RABGAP1: variants seen among roughly 807,000 people sequenced by gnomAD.
RABGAP1 encodes the protein rab GTPase-activating protein 1.
In RABGAP1, 23 loss-of-function variants were observed where a neutral mutation model predicts 137.6. The observed-to-expected ratio is 0.17, with a 90% CI of 0.12 to 0.24. The LOEUF (loss-of-function observed/expected upper bound fraction) is 0.24. Among genes scored for constraint, RABGAP1 ranks in the 10% least tolerant of loss-of-function variants. The pLI, the probability that RABGAP1 is intolerant of heterozygous loss-of-function variation, is 1.00. For synonymous variants in RABGAP1, 451 were observed against 450.7 expected, an observed-to-expected ratio of 1.00 and a Z score of -0.01; for missense variants, 906 against 1,275.8, an observed-to-expected ratio of 0.71 and a Z score of 4.42.
intron 19 of RABGAP1, among the ~76,000 whole-genome samples, chr9:123,077,971 CA>C (rs1204846597): frequency 6.6e-6 from 1 of 152,030 alleles, no homozygotes; most frequent in Admixed American, 6.6e-5. Flanking sequence ...TAGAAATGCA[CA>C]GGTATTTAAA....
At chr9:123,010,325 T>G in intron 10 of RABGAP1, 29 bp from the exon 11 acceptor site, 1 of 1,565,644 alleles carries the variant, frequency 6.4e-7, no homozygotes, top group Non-Finnish European at 8.7e-7. Flanking sequence ...ACTTTACTGC[T>G]TAATAAATAA....
chr9:122,986,664 A>G (rs1028413282), intron 4 of RABGAP1, among the ~76,000 whole-genome samples: 1 of 152,228 alleles, frequency 6.6e-6, no homozygotes, highest in Admixed American at 6.5e-5. Context: ...TTTTGGGGAT[A>G]AATGAAATAT....
At chr9:123,076,943 T>A in intron 19 of RABGAP1, 181 bp downstream of exon 19, 2 of 328,942 alleles carry the variant, frequency 6.1e-6, no homozygotes, top group Non-Finnish European at 9.0e-6. Context: ...ATATAACTCT[T>A]AACCTTTTTT....
At chr9:122,957,736 C>T (rs1489232453) in intron 2 of RABGAP1, among the ~76,000 whole-genome samples, 1 of 151,958 alleles carries the variant, frequency 6.6e-6, no homozygotes, top group East Asian at 1.9e-4. Flanking sequence ...ATATAAGTAG[C>T]TTTAAAAATG....
Position 122,953,944 on chromosome 9 carries a change from C to T in RABGAP1, c.-49-3067C>T, listed in dbSNP as rs551961108. On this transcript the variant is annotated intron_variant, in intron 1 of 25. Coordinates refer to ENST00000373647, the MANE Select transcript of RABGAP1 (RefSeq NM_012197.4). ...CAACACTTAATCAGACATAAAAAAG[C>T]CTGCCCTCATGAACCTTAGGTTCTA... Among the ~76,000 whole-genome samples the T allele has an allele frequency of 4.3e-4, 66 of 152,272 alleles. 1 individual carries two copies. Among genetic ancestry groups the T allele is most frequent in the African/African-American group, 1.6e-3 (66 of 41,556 alleles).
chr9:123,041,982 C>G (rs2032976217), intron 13 of RABGAP1, among the ~76,000 whole-genome samples: 1 of 152,208 alleles, frequency 6.6e-6, no homozygotes, highest in South Asian at 2.1e-4. Flanking sequence ...AAGCAGGCAA[C>G]TGGTTTTCAC....
At position 123,099,568 on chromosome 9, in the gene RABGAP1, T is replaced by C. The variant is rs758123031; in HGVS notation, c.2889+19T>C. On this transcript the variant is annotated intron_variant, in intron 24 of 25. Coordinates refer to ENST00000373647, the MANE Select transcript of RABGAP1 (RefSeq NM_012197.4). The stretch of plus-strand genomic sequence containing the variant: ...AATTCGGGTAAGACTTCTCTTTACC[T>C]AAAAGATTTTATACCACCTACTTCA... 2 of 1,573,826 alleles carry C rather than the reference T, an allele frequency of 1.3e-6. No individual in the cohort carries two copies. Among genetic ancestry groups the C allele is most frequent in the Non-Finnish European group, 1.7e-6 (2 of 1,143,772 alleles).
At chr9:123,015,087 A>T (rs1394680001) in intron 11 of RABGAP1, among the ~76,000 whole-genome samples, 1 of 152,120 alleles carries the variant, frequency 6.6e-6, no homozygotes, top group East Asian at 1.9e-4. Context: ...TATAAACATA[A>T]ATGTCAACAT....
intron 3 of RABGAP1, among the ~76,000 whole-genome samples, chr9:122,986,010 C>G (rs1382151909): frequency 6.6e-6 from 1 of 152,172 alleles, no homozygotes; most frequent in Non-Finnish European, 1.5e-5. Context: ...GATGCTCAAC[C>G]TGTACCTAAA....
chr9:122,997,279 A>G lies in RABGAP1; in HGVS notation c.1122A>G (p.Ser374=), dbSNP rs564555984. 3.7e-6 allele frequency: 6 copies of G among 1,605,572 alleles called. No individual in the cohort carries two copies. In the East Asian group the frequency reaches 1.3e-4, roughly 36 times the overall value. ...TCTAGGAATCTATGGGCAAAAGTTC[A>G]GATGGAAAGTCGTATGTTATTACGG... The part of the protein sequence containing the change: ...LLDLESMGKS[S]DGKSYVITGS... The change falls in exon 9 of 26, where the codon TCA becomes TCG. Residue 374 remains serine, a synonymous_variant. Transcript: ENST00000373647.
chr9:123,090,626 A>G (rs1366649725), intron 21 of RABGAP1, among the ~76,000 whole-genome samples: 1 of 152,196 alleles, frequency 6.6e-6, no homozygotes, highest in Non-Finnish European at 1.5e-5. Context: ...TTCTTTCCCA[A>G]ACATCATTTG....
intron 2 of RABGAP1, among the ~76,000 whole-genome samples, chr9:122,982,942 T>G (rs924850000): frequency 1.3e-5 from 2 of 151,970 alleles, no homozygotes; most frequent in Non-Finnish European, 2.9e-5. Flanking sequence ...TGATCTCGGG[T>G]CACTGCAGCC....
chr9:123,094,356 C>T (rs2035118591), intron 21 of RABGAP1, among the ~76,000 whole-genome samples: 2 of 152,120 alleles, frequency 1.3e-5, no homozygotes, highest in Non-Finnish European at 1.5e-5. Context: ...GAAATAAATT[C>T]TCCTCTGTTC....
At chr9:123,061,778 G>C (rs1383294748) in intron 13 of RABGAP1, 2 of 152,144 alleles carry the variant, frequency 1.3e-5, no homozygotes, top group Non-Finnish European at 2.9e-5. Flanking sequence ...TTCATTCCGT[G>C]TTCTTTTAAA....
chr9:123,008,180 T>C (rs1264576673), intron 10 of RABGAP1, among the ~76,000 whole-genome samples: 1 of 152,170 alleles, frequency 6.6e-6, no homozygotes, highest in Non-Finnish European at 1.5e-5. Flanking sequence ...TTTATCTGAC[T>C]TCAAAAGGCA....
intron 19 of RABGAP1, among the ~76,000 whole-genome samples, chr9:123,084,493 A>C (rs1410449014): frequency 6.6e-6 from 1 of 152,186 alleles, no homozygotes; most frequent in Non-Finnish European, 1.5e-5. Context: ...ACTTCACTGG[A>C]TTCCCTATGA....
intron 13 of RABGAP1, among the ~76,000 whole-genome samples, chr9:123,045,417 G>A (rs76755311): frequency 0.016 from 2,410 of 152,134 alleles, 35 homozygotes; most frequent in South Asian, 0.066. Flanking sequence ...CCCCTTCTTC[G>A]TGGTATGTAT....
At chr9:123,035,639 C>T (rs1307724327) in intron 13 of RABGAP1, 126 of 732,094 alleles carry the variant, frequency 1.7e-4, no homozygotes, top group Non-Finnish European at 2.6e-4. Flanking sequence ...ACGGGGTTCC[C>T]GTGTGTGTGT....
At chr9:122,966,813 A>G (rs1835178725) in intron 2 of RABGAP1, among the ~76,000 whole-genome samples, 1 of 152,210 alleles carries the variant, frequency 6.6e-6, no homozygotes, top group Admixed American at 6.5e-5. Flanking sequence ...GAGGCCTCAC[A>G]ATCATGGCAG....
Sources: allele counts gnomAD v4.1 joint callset (sites outside exome capture counted in the v4.1 genomes callset), GRCh38; gene constraint gnomAD v4.1.1; transcripts MANE v1.5; gene names NCBI Gene and HGNC (gene_info 2026-07-23, HGNC 2026-07-21).